AGMO: variants seen among roughly 807,000 people sequenced by gnomAD.
The protein encoded by AGMO is glyceryl-ether monooxygenase.
AGMO carries 75 observed loss-of-function variants against 60.2 expected under a neutral mutation model. That is an observed-to-expected ratio of 1.25 (90% confidence interval 1.03 to 1.51). The LOEUF (loss-of-function observed/expected upper bound fraction) is 1.51, where lower values mean the gene tolerates loss of function less well. Among genes scored for constraint, AGMO ranks in the 40% most tolerant of loss-of-function variants. The pLI, the probability that AGMO is intolerant of heterozygous loss-of-function variation, is 0.00. For synonymous variants in AGMO, 261 were observed against 177.1 expected (o/e 1.47, Z -3.76); for missense variants, 763 against 525.5 (o/e 1.45, Z -4.42).
chr7:15,440,502 G>C (rs1460663763), intron 3 of AGMO, among the ~76,000 whole-genome samples: 1 of 152,148 alleles, frequency 6.6e-6, no homozygotes, highest in African/African-American at 2.4e-5. Context: ...GGGCAACTCT[G>C]TGTGTATTTA....
chr7:15,130,300 C>T, the AGMO span, among the ~76,000 whole-genome samples: 32 of 151,546 alleles, frequency 2.1e-4, no homozygotes, highest in South Asian at 6.1e-3. Context: ...CTCACTTACC[C>T]CACCTTTTTT....
intron 3 of AGMO, among the ~76,000 whole-genome samples, chr7:15,518,103 C>A (rs1265994023): frequency 1.3e-5 from 2 of 152,204 alleles, no homozygotes; most frequent in Non-Finnish European, 2.9e-5. Context: ...TGTAGCCAGA[C>A]TGCCTCTCTA....
intron 5 of AGMO, among the ~76,000 whole-genome samples, chr7:15,402,843 A>G (rs1784588956): frequency 1.3e-5 from 2 of 151,662 alleles, no homozygotes; most frequent in South Asian, 4.1e-4. Flanking sequence ...ATAACAAGAG[A>G]GCAAGATGTC....
chr7:15,190,934 T>C, the AGMO span, among the ~76,000 whole-genome samples: 1 of 152,084 alleles, frequency 6.6e-6, no homozygotes, highest in Non-Finnish European at 1.5e-5. Flanking sequence ...CCATGTCTGT[T>C]CAGGGTCACA....
chr7:15,500,336 T>G (rs1293286690), intron 3 of AGMO, among the ~76,000 whole-genome samples: 2 of 151,862 alleles, frequency 1.3e-5, no homozygotes, highest in African/African-American at 4.8e-5. Context: ...GGCCTTGTCT[T>G]TAAAGAAAGT....
In AGMO at chr7:15,338,070, T is replaced by C. The variant is rs189537624; in HGVS notation, c.1263+27444A>G. 2.9e-4 allele frequency among the ~76,000 whole-genome samples: 44 copies of C among 152,336 alleles called. No homozygotes were observed. In the East Asian group the frequency reaches 6.6e-3, roughly 23 times the overall value. ...ATAAATTACTTTTAGAGTATGTTCA[T>C]GTATGTGAACAAATGTAATTAATTT... On this transcript the variant is annotated intron_variant, in intron 12 of 12. Transcript: ENST00000342526.
chr7:15,459,502 T>A (rs1782080945), intron 3 of AGMO, among the ~76,000 whole-genome samples: 1 of 151,920 alleles, frequency 6.6e-6, no homozygotes, highest in Non-Finnish European at 1.5e-5. Context: ...TCATCAAAGG[T>A]CCTGGAATGA....
chr7:15,444,635 G>A (rs1219503502), intron 3 of AGMO, among the ~76,000 whole-genome samples: 1 of 152,064 alleles, frequency 6.6e-6, no homozygotes, highest in Non-Finnish European at 1.5e-5. Flanking sequence ...CTCCAACTGG[G>A]TGCATTTCCT....
chr7:15,344,954 C>T (rs1781980771), intron 12 of AGMO, among the ~76,000 whole-genome samples: 1 of 152,132 alleles, frequency 6.6e-6, no homozygotes, highest in South Asian at 2.1e-4. Context: ...AACAATTATC[C>T]TAAATCTTTC....
At chr7:15,256,734 A>G (rs1177443179) in intron 12 of AGMO, among the ~76,000 whole-genome samples, 1 of 152,200 alleles carries the variant, frequency 6.6e-6, no homozygotes, top group Non-Finnish European at 1.5e-5. Context: ...CTGTAGAGAC[A>G]CATGCTGCAC....
chr7:15,539,513 T>G (rs1240599805), intron 3 of AGMO, among the ~76,000 whole-genome samples: 1 of 152,212 alleles, frequency 6.6e-6, no homozygotes, highest in Non-Finnish European at 1.5e-5. Context: ...AGTGTATATA[T>G]ACCACATTTT....
intron 3 of AGMO, among the ~76,000 whole-genome samples, chr7:15,510,958 T>C (rs1311467721): frequency 6.6e-6 from 1 of 150,574 alleles, no homozygotes; most frequent in Non-Finnish European, 1.5e-5. Context: ...ATAAACAAGT[T>C]CCTATGGCTT....
At chr7:15,306,753 A>G (rs939615541) in intron 12 of AGMO, among the ~76,000 whole-genome samples, 1 of 152,008 alleles carries the variant, frequency 6.6e-6, no homozygotes, top group African/African-American at 2.4e-5. Flanking sequence ...AGGCTGAGGA[A>G]TATGTCCCTA....
intron 12 of AGMO, among the ~76,000 whole-genome samples, chr7:15,289,356 A>T (rs1296467796): frequency 6.6e-6 from 1 of 151,992 alleles, no homozygotes; most frequent in African/African-American, 2.4e-5. Context: ...TGTCTCTATA[A>T]GATTCCGAGT....
Position 15,544,763 on chromosome 7 carries a change from G to T in AGMO, c.409+9C>A, listed in dbSNP as rs1042820460. The T allele has an allele frequency of 6.4e-7, 1 of 1,571,486 alleles. No homozygotes were observed. Among genetic ancestry groups the T allele is most frequent in the Non-Finnish European group, 8.6e-7 (1 of 1,160,062 alleles). The stretch of plus-strand genomic sequence containing the variant: ...ATAAGTTAACAAAAAGTCCTCATTT[G>T]CAGCTTACCATGAGCCATACGATGG... On this transcript the variant is annotated intron_variant, in intron 3 of 12. Coordinates refer to ENST00000342526, the MANE Select transcript of AGMO (RefSeq NM_001004320.2).
rs1278903214 is a variant in AGMO, at chr7:15,449,816, T to C, written c.410-18708A>G. ...ACGTTATGTGCATTTTTAGGTACTA[T>C]TACTAATGAGTAAAGTCAAGTCCAC... On this transcript the variant is annotated intron_variant, in intron 3 of 12. Transcript: ENST00000342526. Among the ~76,000 whole-genome samples the C allele has an allele frequency of 2.0e-5, 3 of 152,248 alleles. No homozygotes were observed. In the East Asian group the frequency reaches 5.8e-4, roughly 29 times the overall value.
intron 12 of AGMO, among the ~76,000 whole-genome samples, chr7:15,335,419 G>A (rs990399955): frequency 6.6e-6 from 1 of 152,142 alleles, no homozygotes; most frequent in Non-Finnish European, 1.5e-5. Context: ...TATTTCTTCT[G>A]TCATAGTGGT....
intron 12 of AGMO, among the ~76,000 whole-genome samples, chr7:15,347,622 A>AT (rs397700209): frequency 2.6e-5 from 4 of 151,838 alleles, no homozygotes; most frequent in Non-Finnish European, 5.9e-5. Flanking sequence ...CCCAAAAAAA[A>AT]TGTGGGCGCA....
chr7:15,502,574 T>G (rs908935334), intron 3 of AGMO, among the ~76,000 whole-genome samples: 1 of 151,776 alleles, frequency 6.6e-6, no homozygotes, highest in Non-Finnish European at 1.5e-5. Context: ...TCTCACCTCT[T>G]CTCCTGGATT....
Sources: gnomAD v4.1 joint callset for allele counts (sites outside exome capture counted in the v4.1 genomes callset) on GRCh38, gnomAD v4.1.1 for gene constraint, MANE v1.5 for transcripts, NCBI Gene and HGNC (gene_info 2026-07-23, HGNC 2026-07-21) for gene names.